Variants in SPAG17 observed in about 807,000 individuals in gnomAD.
SPAG17 encodes sperm-associated antigen 17.
A neutral mutation model predicts 273.6 loss-of-function variants in SPAG17; 169 were observed. That is an observed-to-expected ratio of 0.62 (90% CI 0.55 to 0.70). The LOEUF (loss-of-function observed/expected upper bound fraction) is 0.70. SPAG17 is among the 30% of genes least tolerant of loss of function. SPAG17 has a pLI of 0.00. For synonymous variants in SPAG17, 825 were observed against 873.2 expected (o/e 0.94, Z 0.97); for missense variants, 2,557 against 2,627.8 (o/e 0.97, Z 0.59).
chr1:118,009,469 G>A (rs146645690), intron 30 of SPAG17, among the ~76,000 whole-genome samples: 75 of 152,220 alleles, frequency 4.9e-4, no homozygotes, highest in African/African-American at 1.7e-3. Flanking sequence ...CAGAAGAGTG[G>A]AAGGCTTTTA....
In SPAG17 at chr1:118,182,957, T is replaced by C. The variant is rs533322607; in HGVS notation, c.87+2114A>G. 5.3e-5 allele frequency among the ~76,000 whole-genome samples: 8 copies of C among 152,332 alleles called. No homozygotes were observed. In the South Asian group the frequency reaches 1.2e-3, roughly 24 times the overall value. On this transcript the variant is annotated intron_variant, in intron 1 of 48. Coordinates refer to ENST00000336338, the MANE Select transcript of SPAG17 (RefSeq NM_206996.4). ...CAACTAAAATGTATGAAACAACTGATAATTATTCCAGCCTGAAAGGACAAC... is the reference window on the plus strand; with the variant it reads ...CAACTAAAATGTATGAAACAACTGACAATTATTCCAGCCTGAAAGGACAAC...
chr1:118,041,528 A>G (rs1186975373), intron 21 of SPAG17, among the ~76,000 whole-genome samples: 1 of 152,038 alleles, frequency 6.6e-6, no homozygotes, highest in Non-Finnish European at 1.5e-5. Context: ...TATCTATAAG[A>G]ATGCTTTTGT....
At chr1:118,097,227 C>CAA (rs5777334) in intron 7 of SPAG17, among the ~76,000 whole-genome samples, 1 of 129,770 alleles carries the variant, frequency 7.7e-6, no homozygotes, top group Non-Finnish European at 1.6e-5. Context: ...AAGACTGTCT[C>CAA]AAAAAAAAAA....
At chr1:118,013,643 G>A (rs766305281) in intron 29 of SPAG17, among the ~76,000 whole-genome samples, 1 of 152,058 alleles carries the variant, frequency 6.6e-6, no homozygotes, top group Non-Finnish European at 1.5e-5. Flanking sequence ...GGTAAAGTGC[G>A]TCACACTTGG....
chr1:118,001,094 TGTTG>T (rs1414056884), intron 32 of SPAG17, among the ~76,000 whole-genome samples: 3 of 152,170 alleles, frequency 2.0e-5, no homozygotes, highest in Non-Finnish European at 4.4e-5. Flanking sequence ...TGGTTTTTGT[TGTTG>T]GTTCTGTTTA....
chr1:118,025,479 T>G (rs1647638598), intron 26 of SPAG17, 63 bp from the exon 27 acceptor site: 1 of 1,157,044 alleles, frequency 8.6e-7, no homozygotes, highest in African/African-American at 1.6e-5. Flanking sequence ...TTTTATCATC[T>G]TGCTTAATTA....
At chr1:118,042,935 G>A (rs575632414) in intron 20 of SPAG17, among the ~76,000 whole-genome samples, 1 of 152,230 alleles carries the variant, frequency 6.6e-6, no homozygotes, top group East Asian at 1.9e-4. Flanking sequence ...AAGACGCCAA[G>A]AACCTGGACC....
chr1:118,120,451 T>A lies in SPAG17; in HGVS notation c.316-5010A>T, dbSNP rs181927304. Reference sequence around the variant, plus strand: ...AAATAATATTCATTTAATCATCCTATCACTCTATCCCTCTTATTTTATGCC... The same window carrying A: ...AAATAATATTCATTTAATCATCCTAACACTCTATCCCTCTTATTTTATGCC... On this transcript the variant is annotated intron_variant, in intron 3 of 48. Transcript: ENST00000336338. 1.5e-3 allele frequency among the ~76,000 whole-genome samples: 232 copies of A among 152,314 alleles called. 4 individuals are homozygous for A. The highest frequency in any genetic ancestry group is 5.2e-3 in the African/African-American group (217 of 41,554).
At chr1:118,009,986 T>A (rs1248231648) in intron 30 of SPAG17, among the ~76,000 whole-genome samples, 1 of 152,014 alleles carries the variant, frequency 6.6e-6, no homozygotes, top group Non-Finnish European at 1.5e-5. Flanking sequence ...AGTAAAATAA[T>A]CCAGGTACAG....
chr1:118,083,991 T>G (rs941888436), intron 13 of SPAG17, among the ~76,000 whole-genome samples: 1 of 151,918 alleles, frequency 6.6e-6, no homozygotes, highest in Non-Finnish European at 1.5e-5. Flanking sequence ...GGATGGGGCA[T>G]GTAAGCAGCA....
intron 3 of SPAG17, among the ~76,000 whole-genome samples, chr1:118,119,587 C>T (rs2102268386): frequency 6.6e-6 from 1 of 152,236 alleles, no homozygotes; most frequent in African/African-American, 2.4e-5. Flanking sequence ...CATATTCAAC[C>T]TATTTTGGGG....
intron 48 of SPAG17, chr1:117,956,985 TAA>T: frequency 8.0e-7 from 1 of 1,248,466 alleles, no homozygotes; most frequent in Non-Finnish European, 1.1e-6. Flanking sequence ...GTAGAAAAAA[TAA>T]TAAAGGGAAG....
intron 37 of SPAG17, 37 bp downstream of exon 37, chr1:117,991,378 A>G: frequency 1.6e-6 from 2 of 1,218,808 alleles, no homozygotes; most frequent in African/African-American, 1.6e-5. Context: ...ATATTGAAAC[A>G]ATAGTAAGAA....
intron 40 of SPAG17, among the ~76,000 whole-genome samples, chr1:117,986,804 G>GA (rs1431936967): frequency 6.6e-6 from 1 of 152,172 alleles, no homozygotes; most frequent in African/African-American, 2.4e-5. Context: ...AGGAATTTGA[G>GA]AAAATGGCAG....
At chr1:118,059,785 G>A (rs1050698559) in intron 18 of SPAG17, among the ~76,000 whole-genome samples, 1 of 151,946 alleles carries the variant, frequency 6.6e-6, no homozygotes, top group Non-Finnish European at 1.5e-5. Flanking sequence ...TTATTTGCAT[G>A]GAATATCTTT....
chr1:118,177,459 T>TC (rs1362500676), intron 1 of SPAG17, among the ~76,000 whole-genome samples: 2 of 152,126 alleles, frequency 1.3e-5, no homozygotes, highest in East Asian at 3.8e-4. Context: ...GGGATTACAA[T>TC]TCAAGGTGAG....
At chr1:118,171,359 A>G (rs973991998) in intron 1 of SPAG17, among the ~76,000 whole-genome samples, 1 of 152,176 alleles carries the variant, frequency 6.6e-6, no homozygotes, top group Non-Finnish European at 1.5e-5. Context: ...CATGCTTTCA[A>G]GTATCAGAAG....
chr1:118,126,820 G>C (rs1657762743), intron 3 of SPAG17, among the ~76,000 whole-genome samples: 1 of 152,096 alleles, frequency 6.6e-6, no homozygotes, highest in Admixed American at 6.5e-5. Context: ...TATAGTTTTA[G>C]ATCTTACATT....
intron 48 of SPAG17, chr1:117,955,008 G>A: frequency 2.6e-6 from 1 of 383,746 alleles, no homozygotes; most frequent in Non-Finnish European, 4.6e-6. Flanking sequence ...ATGGGAGAAT[G>A]TATGTTTATC....
Sources: allele counts gnomAD v4.1 joint callset (sites outside exome capture counted in the v4.1 genomes callset), GRCh38; gene constraint gnomAD v4.1.1; transcripts MANE v1.5; gene names NCBI Gene and HGNC (gene_info 2026-07-23, HGNC 2026-07-21).